CNTN5: variants seen among roughly 807,000 people sequenced by gnomAD.
CNTN5 encodes the protein contactin 5, also known as contactin-5.
Under a neutral mutation model 129.1 loss-of-function variants are expected in CNTN5, and 77 were observed. The observed-to-expected ratio is 0.60, with a 90% CI of 0.50 to 0.72. The LOEUF is 0.72. Ranked by LOEUF, CNTN5 falls within the 30% of genes least tolerant of loss-of-function variation. The probability of loss-of-function intolerance (pLI) is 0.00; values close to 1 mark genes in which losing one functional copy is unlikely to be tolerated. For synonymous variants in CNTN5, 509 were observed against 465.6 expected (o/e 1.09, Z -1.20); for missense variants, 1,478 against 1,328.8 (o/e 1.11, Z -1.75).
chr11:99,990,453 TATACACACAC>T (rs1162505937), intron 8 of CNTN5, among the ~76,000 whole-genome samples: 27 of 143,976 alleles, frequency 1.9e-4, no homozygotes, highest in Admixed American at 2.8e-4. Context: ...AATATATATA[TATACACACAC>T]ACACACACAC....
At chr11:99,659,954 C>A (rs1223720199) in intron 3 of CNTN5, among the ~76,000 whole-genome samples, 2 of 152,088 alleles carry the variant, frequency 1.3e-5, no homozygotes, top group Non-Finnish European at 2.9e-5. Flanking sequence ...ATGTGGGCAG[C>A]TGACCTTTTA....
In CNTN5 at chr11:99,215,531, T is replaced by C. The variant is rs114026669; in HGVS notation, c.-209-109815T>C. On this transcript the variant is annotated intron_variant, in intron 1 of 24. Transcript: ENST00000524871. ...TATTTGGTTTGAGCAGCTGAGGGGA[T>C]TGTGGTGCCATTTATTGAGATGAGA... Among the ~76,000 whole-genome samples, 620 of 152,196 alleles carry C rather than the reference T, an allele frequency of 4.1e-3. 4 individuals are homozygous for C. The highest frequency in any genetic ancestry group is 0.014 in the African/African-American group (588 of 41,566).
intron 1 of CNTN5, among the ~76,000 whole-genome samples, chr11:99,037,300 G>T (rs1422962964): frequency 2.0e-5 from 3 of 152,064 alleles, no homozygotes; most frequent in African/African-American, 2.4e-5. Context: ...AGAGACTCAA[G>T]CTTGTCATGT....
At chr11:99,154,538 G>T (rs1032715194) in intron 1 of CNTN5, among the ~76,000 whole-genome samples, 3 of 152,192 alleles carry the variant, frequency 2.0e-5, no homozygotes, top group African/African-American at 4.8e-5. Context: ...GACGACCTGT[G>T]CATGTGTGCT....
chr11:99,516,901 A>T (rs1437600217), intron 2 of CNTN5, among the ~76,000 whole-genome samples: 1 of 152,158 alleles, frequency 6.6e-6, no homozygotes, highest in African/African-American at 2.4e-5. Context: ...TTTAATCCCA[A>T]CAAGTGAAAT....
At chr11:100,144,365 C>G (rs894062875) in intron 13 of CNTN5, among the ~76,000 whole-genome samples, 1 of 152,046 alleles carries the variant, frequency 6.6e-6, no homozygotes, top group Admixed American at 6.6e-5. Flanking sequence ...TCAAGCCTTT[C>G]TCTCCTGCTT....
At chr11:99,520,013 C>A (rs557895439) in intron 2 of CNTN5, among the ~76,000 whole-genome samples, 2 of 152,100 alleles carry the variant, frequency 1.3e-5, no homozygotes, top group Non-Finnish European at 2.9e-5. Flanking sequence ...TTGTGGCAAC[C>A]TTTTGTGCTA....
At chr11:99,539,630 A>G (rs183259228) in intron 2 of CNTN5, among the ~76,000 whole-genome samples, 126 of 152,204 alleles carry the variant, frequency 8.3e-4, no homozygotes, top group African/African-American at 2.9e-3. Flanking sequence ...GAGTGTCAGA[A>G]TAGTTAAAAG....
intron 3 of CNTN5, among the ~76,000 whole-genome samples, chr11:99,582,862 G>T (rs1453632238): frequency 6.6e-6 from 1 of 152,160 alleles, no homozygotes; most frequent in Non-Finnish European, 1.5e-5. Flanking sequence ...TTCCATTGCT[G>T]GTGAGGAGCT....
intron 9 of CNTN5, among the ~76,000 whole-genome samples, chr11:100,036,375 G>A (rs1389129093): frequency 1.3e-5 from 2 of 151,980 alleles, no homozygotes; most frequent in South Asian, 2.1e-4. Context: ...CTGTAGCTTT[G>A]TAGTATATTT....
intron 1 of CNTN5, among the ~76,000 whole-genome samples, chr11:99,122,689 T>C (rs761292451): frequency 6.6e-6 from 1 of 152,074 alleles, no homozygotes; most frequent in Non-Finnish European, 1.5e-5. Flanking sequence ...ATTTTTTTGA[T>C]CCTCTCACTC....
At chr11:100,028,419 A>G (rs186810570) in intron 9 of CNTN5, among the ~76,000 whole-genome samples, 14 of 152,362 alleles carry the variant, frequency 9.2e-5, no homozygotes, top group Admixed American at 9.2e-4. Context: ...TTCCTACATC[A>G]TAGAGTTACT....
chr11:99,572,757 A>AG (rs200009917), intron 3 of CNTN5, among the ~76,000 whole-genome samples: 2 of 31,496 alleles, frequency 6.4e-5, no homozygotes, highest in Admixed American at 3.7e-4. Flanking sequence ...TTAATAATTG[A>AG]GGGTTTTTTT....
intron 1 of CNTN5, among the ~76,000 whole-genome samples, chr11:99,123,955 G>A (rs1156729738): frequency 6.6e-6 from 1 of 151,898 alleles, no homozygotes; most frequent in Non-Finnish European, 1.5e-5. Flanking sequence ...TAGCCTTGTA[G>A]TATAGTTTGT....
chr11:100,309,350 T>C (rs1369272470), intron 21 of CNTN5: 24 of 981,330 alleles, frequency 2.4e-5, no homozygotes, highest in South Asian at 4.7e-5. Context: ...TCTATTTGAG[T>C]TTTCAAATAA....
chr11:99,662,887 G>A (rs1952648217), intron 3 of CNTN5, among the ~76,000 whole-genome samples: 1 of 152,162 alleles, frequency 6.6e-6, no homozygotes, highest in Non-Finnish European at 1.5e-5. Flanking sequence ...AATTTGAGAA[G>A]CTCTGCTCTA....
intron 3 of CNTN5, among the ~76,000 whole-genome samples, chr11:99,678,025 C>T (rs1203822040): frequency 6.6e-6 from 1 of 152,070 alleles, no homozygotes; most frequent in Non-Finnish European, 1.5e-5. Context: ...CATACACTCA[C>T]AGCCCTTTGT....
chr11:99,777,660 A>G (rs1200819525), intron 3 of CNTN5, among the ~76,000 whole-genome samples: 2 of 151,868 alleles, frequency 1.3e-5, no homozygotes, highest in Non-Finnish European at 2.9e-5. Flanking sequence ...CCAAGGGTAT[A>G]TTTCTAAATT....
intron 1 of CNTN5, among the ~76,000 whole-genome samples, chr11:99,224,657 A>ATTTTTTTTTTTTT (rs3082693): frequency 4.6e-5 from 5 of 108,948 alleles, no homozygotes; most frequent in Non-Finnish European, 5.3e-5. Flanking sequence ...CCAAGGTTGC[A>ATTTTTTTTTTTTT]TTTTTTTTTT....
Sources: allele counts gnomAD v4.1 joint callset (sites outside exome capture counted in the v4.1 genomes callset), GRCh38; gene constraint gnomAD v4.1.1; transcripts MANE v1.5; gene names NCBI Gene and HGNC (gene_info 2026-07-23, HGNC 2026-07-21).